DNAH5: variants seen among roughly 807,000 people sequenced by gnomAD.
DNAH5 encodes the protein dynein axonemal heavy chain 5.
A neutral mutation model predicts 518.2 loss-of-function variants in DNAH5; 372 were observed. The observed-to-expected ratio is 0.72, with a 90% CI of 0.66 to 0.78. DNAH5 has a LOEUF of 0.78. Ranked by LOEUF, DNAH5 falls within the 30% of genes least tolerant of loss-of-function variation. DNAH5 has a pLI of 0.00. For missense variants in DNAH5, 5,523 were observed against 5,687.0 expected (o/e 0.97, Z 0.93); for synonymous variants, 2,039 against 2,025.9 (o/e 1.01, Z -0.17).
Position 13,700,772 on chromosome 5 carries a change from C to T in DNAH5, c.13591G>A (p.Glu4531Lys), listed in dbSNP as rs201242847. Residue 4531 changes from glutamate to lysine, a missense_variant, in exon 78 of 79, where the codon GAG (glutamate) becomes AAG (lysine). Transcript: ENST00000265104. ...TATAAGCCATAGACATAGACACCCT[C>T]TGTGGGAGGGGCAGAAATGTCGTCC... ...MKDDISAPPT[E>K]GVYVYGLYLE... 8.2e-5 allele frequency: 133 copies of T among 1,614,154 alleles called. No homozygotes were observed. Among genetic ancestry groups the T allele is most frequent in the Non-Finnish European group, 1.1e-4 (129 of 1,180,000 alleles).
At chr5:13,866,388 AAAC>A in intron 25 of DNAH5, 106 bp from the exon 26 acceptor site, 1 of 893,396 alleles carries the variant, frequency 1.1e-6, no homozygotes, top group African/African-American at 1.7e-5. Context: ...GCATGATAGG[AAAC>A]TTCATTTTTA....
chr5:13,749,067 G>A (rs1749834478), intron 65 of DNAH5, among the ~76,000 whole-genome samples: 1 of 151,996 alleles, frequency 6.6e-6, no homozygotes, highest in Admixed American at 6.6e-5. Flanking sequence ...GCTGGGAAGT[G>A]AAGAAGCTGC....
chr5:13,798,345 A>C (rs1580303033), intron 47 of DNAH5, among the ~76,000 whole-genome samples: 1 of 152,134 alleles, frequency 6.6e-6, no homozygotes, highest in African/African-American at 2.4e-5. Flanking sequence ...TTGTCTTTCA[A>C]AATGTATGCA....
chr5:13,748,606 G>A (rs370479270), intron 65 of DNAH5, among the ~76,000 whole-genome samples: 1 of 152,150 alleles, frequency 6.6e-6, no homozygotes, highest in East Asian at 1.9e-4. Context: ...TCCCTTGTAA[G>A]TTGGATTCCC....
intron 22 of DNAH5, among the ~76,000 whole-genome samples, chr5:13,873,186 T>A (rs971701992): frequency 6.6e-6 from 1 of 152,184 alleles, no homozygotes; most frequent in Non-Finnish European, 1.5e-5. Flanking sequence ...TTGTAGAGTT[T>A]GGCCTGATTT....
rs1455203731 is a variant in DNAH5 at position 13,916,717 on chromosome 5, T to C, written c.1090-262A>G. On this transcript the variant is annotated intron_variant, in intron 8 of 78. Coordinates refer to ENST00000265104, the MANE Select transcript of DNAH5 (RefSeq NM_001369.3). The stretch of plus-strand genomic sequence containing the variant: ...ACAGCAAGTTAACTGTTAACTATTA[T>C]TAAGGATAAACTGTTAATAACAGTT... 3.3e-5 allele frequency among the ~76,000 whole-genome samples: 5 copies of C among 152,186 alleles called. No individual in the cohort carries two copies. In the East Asian group the frequency reaches 9.6e-4, roughly 29 times the overall value.
upstream of DNAH5, among the ~76,000 whole-genome samples, chr5:13,945,469 A>G (rs1354234220): frequency 6.6e-6 from 1 of 152,226 alleles, no homozygotes; most frequent in East Asian, 1.9e-4. Context: ...CAGAACATGG[A>G]GATTCACTTG....
chr5:13,830,323 G>T, intron 36 of DNAH5, 110 bp from the exon 37 acceptor site: 3 of 1,102,122 alleles, frequency 2.7e-6, no homozygotes, highest in Admixed American at 2.0e-5. Context: ...TCATTCAAAA[G>T]TAAAGTGCAA....
chr5:13,736,061 C>T (rs541927254), intron 66 of DNAH5, 129 bp from the exon 67 acceptor site: 19 of 727,312 alleles, frequency 2.6e-5, no homozygotes, highest in East Asian at 8.0e-5. Context: ...CTACCAGATA[C>T]GGGATACAAA....
Position 13,769,748 on chromosome 5 carries a change from G to T in DNAH5, c.9606-133C>A, listed in dbSNP as rs889368625. The T allele has an allele frequency of 9.1e-6, 7 of 770,138 alleles. No homozygotes were observed. The African/African-American group carries it at 1.2e-4, about 13-fold the overall frequency. 47.7% of individuals were successfully genotyped at this position (770,138 alleles called of 1,614,324 possible). ...TGTATGCAAGTAGCAAACCCAAGAG[G>T]GCTTAGCAAAAAGGATACAGATCCA... On this transcript the variant is annotated intron_variant, in intron 56 of 78. Transcript: ENST00000265104.
In DNAH5 at chr5:13,830,113, T is replaced by A. The variant is rs913362638; in HGVS notation, c.6162A>T (p.Thr2054=). 3 of 1,614,016 alleles carry A rather than the reference T, an allele frequency of 1.9e-6. No individual in the cohort carries two copies. The highest frequency in any genetic ancestry group is 1.1e-5 in the South Asian group (1 of 91,074). Residue 2054 remains threonine, a synonymous_variant, in exon 37 of 79, where the codon ACA becomes ACT. Coordinates refer to ENST00000265104, the MANE Select transcript of DNAH5 (RefSeq NM_001369.3). ...AAGACTTTTTGTGCTCCTTTTTACATGTCAGAATAATGGAAATTTGCTGGG... is the reference window on the plus strand; with the variant it reads ...AAGACTTTTTGTGCTCCTTTTTACAAGTCAGAATAATGGAAATTTGCTGGG... ...VAAQQISIIL[T]CKKEHKKSFI...
intron 1 of DNAH5, among the ~76,000 whole-genome samples, chr5:14,002,585 T>A (rs1784436279): frequency 6.6e-6 from 1 of 152,132 alleles, no homozygotes; most frequent in South Asian, 2.1e-4. Flanking sequence ...CAATGTTTAA[T>A]CATCAAGATA....
At chr5:13,813,405 C>G (rs1760982327) in intron 43 of DNAH5, among the ~76,000 whole-genome samples, 1 of 148,018 alleles carries the variant, frequency 6.8e-6, no homozygotes, top group Non-Finnish European at 1.5e-5. Context: ...TTTGCTGTAC[C>G]TGTGGTTTCC....
At chr5:13,767,283 C>G (rs916842873) in intron 58 of DNAH5, among the ~76,000 whole-genome samples, 2 of 152,174 alleles carry the variant, frequency 1.3e-5, no homozygotes, top group African/African-American at 4.8e-5. Context: ...CACCACCATG[C>G]CGGGCTAATT....
At chr5:13,845,283 C>T (rs1009982746) in intron 31 of DNAH5, among the ~76,000 whole-genome samples, 3 of 151,610 alleles carry the variant, frequency 2.0e-5, no homozygotes, top group Admixed American at 6.6e-5. Flanking sequence ...CTTGTATATA[C>T]TAGGTAGAGA....
intron 3 of DNAH5, among the ~76,000 whole-genome samples, chr5:13,926,889 T>C (rs1395848730): frequency 6.6e-6 from 1 of 152,208 alleles, no homozygotes; most frequent in Non-Finnish European, 1.5e-5. Context: ...TATCTCTTGA[T>C]TTTTCACTTA....
At chr5:13,720,826 A>G (rs1409916298) in intron 71 of DNAH5, among the ~76,000 whole-genome samples, 174 bp downstream of exon 71, 1 of 151,068 alleles carries the variant, frequency 6.6e-6, no homozygotes, top group Non-Finnish European at 1.5e-5. Flanking sequence ...TTTATTTGCC[A>G]CATTGCCTCA....
rs778204627 is a variant in DNAH5, at chr5:13,917,204, T to C, written c.1028A>G (p.Asp343Gly). Residue 343 changes from aspartate (D) to glycine (G), a missense_variant, in exon 8 of 79, where the codon GAC becomes GGC. Transcript: ENST00000265104. ...AAGTGTATACAAGTATTTCACATTG[T>C]CCTTTGCTTCATTAGTTGCATCAGT... Reference protein sequence around the residue: ...RITDATNEAKDNVKYLYTLEK... With the variant: ...RITDATNEAKGNVKYLYTLEK... 16 of 1,613,972 alleles carry C rather than the reference T, an allele frequency of 9.9e-6. No homozygotes were observed. The highest frequency in any genetic ancestry group is 8.8e-5 in the South Asian group (8 of 91,090).
At chr5:13,756,355 G>A (rs140270283) in intron 61 of DNAH5, among the ~76,000 whole-genome samples, 1,643 of 151,966 alleles carry the variant, frequency 0.011, 15 homozygotes, top group Non-Finnish European at 0.016. Flanking sequence ...TTTTTAATAC[G>A]GAATTTGACA....
Sources: allele counts gnomAD v4.1 joint callset (sites outside exome capture counted in the v4.1 genomes callset), GRCh38; gene constraint gnomAD v4.1.1; transcripts MANE v1.5; gene names NCBI Gene and HGNC (gene_info 2026-07-23, HGNC 2026-07-21).